Variants in SPX observed in about 807,000 individuals in gnomAD.
The protein encoded by SPX is spexin hormone.
In SPX, 22 loss-of-function variants were observed where a neutral mutation model predicts 19.2. The ratio of observed to expected loss-of-function variants is 1.15; its 90% CI spans 0.82 to 1.64. The LOEUF (loss-of-function observed/expected upper bound fraction) is 1.64. SPX is among the 40% of genes most tolerant of loss of function. The pLI is 0.00. For synonymous variants in SPX, 50 were observed against 53.3 expected (o/e 0.94, Z 0.27); for missense variants, 143 against 137.7 (o/e 1.04, Z -0.19).
rs1943869121 is a variant in SPX, at chr12:21,531,849, G to A, written c.*654G>A. 6.6e-6 allele frequency: 1 copy of A among 152,184 alleles called. No homozygotes were observed. Among genetic ancestry groups the A allele is most frequent in the South Asian group, 2.1e-4 (1 of 4,834 alleles). 9.4% of individuals were successfully genotyped at this position (152,184 alleles called of 1,614,324 possible). On this transcript the variant is annotated 3_prime_UTR_variant, in exon 6 of 6. Coordinates refer to ENST00000256969, the MANE Select transcript of SPX (RefSeq NM_030572.4). ...CTCTTTGGGAATTACCTTGCATTCA[G>A]TTTAGAAACATGGATCTAAAAGTTA...
Position 21,532,315 on chromosome 12 carries a change from G to T in SPX, c.*1120G>T, listed in dbSNP as rs1396661876. ...TAATTCTTATTGTCATCAGTATTTAGCCATTATTTAGTAGCTCAAGAATAT... is the reference window on the plus strand; with the variant it reads ...TAATTCTTATTGTCATCAGTATTTATCCATTATTTAGTAGCTCAAGAATAT... On this transcript the variant is annotated 3_prime_UTR_variant, in exon 6 of 6. Coordinates refer to ENST00000256969, the MANE Select transcript of SPX (RefSeq NM_030572.4). 6.6e-6 allele frequency: 1 copy of T among 152,132 alleles called. No homozygotes were observed. The highest frequency in any genetic ancestry group is 1.5e-5 in the Non-Finnish European group (1 of 68,032). The allele number at this position is 152,132 out of a possible 1,614,324, so 9.4% of individuals were successfully genotyped here. A position where few individuals can be genotyped will look rare whatever the true frequency, so the allele number is the denominator to read the frequency against.
intron 5 of SPX, 28 bp from the exon 6 acceptor site, chr12:21,531,109 T>C: frequency 4.3e-6 from 6 of 1,390,070 alleles, no homozygotes; most frequent in Non-Finnish European, 6.0e-6. Context: ...AGTGTATATT[T>C]ATTTTAAAGA....
At chr12:21,530,372 G>C (rs1295289746) in intron 5 of SPX, among the ~76,000 whole-genome samples, 1 of 152,100 alleles carries the variant, frequency 6.6e-6, no homozygotes, top group Non-Finnish European at 1.5e-5. Flanking sequence ...TTCTGCAATG[G>C]TTTAAAGTGT....
At chr12:21,528,746 C>T (rs1216828581) in intron 4 of SPX, among the ~76,000 whole-genome samples, 1 of 152,178 alleles carries the variant, frequency 6.6e-6, no homozygotes, top group Admixed American at 6.5e-5. Flanking sequence ...AAATTATTAT[C>T]TAAAATTCTC....
In SPX at chr12:21,527,181, T is replaced by A; in HGVS notation, c.134T>A (p.Leu45Gln). ...TGGACTCCTCAAGCTATGCTCTACC[T>A]GAAAGGGGCACGTAAGTTCCAAATA... ...RNWTPQAMLY[L>Q]KGAQGRRFIS... The change falls in exon 3 of 6, where the codon CTG becomes CAG. Residue 45 changes from leucine (L) to glutamine (Q), a missense_variant. Physicochemically the swap from Leu to Gln is moderately radical, Grantham distance 113. Coordinates refer to ENST00000256969, the MANE Select transcript of SPX (RefSeq NM_030572.4). 3.1e-6 allele frequency: 5 copies of A among 1,613,886 alleles called. No individual in the cohort carries two copies. The highest frequency in any genetic ancestry group is 4.2e-6 in the Non-Finnish European group (5 of 1,179,876).
intron 2 of SPX, 68 bp from the exon 3 acceptor site, chr12:21,527,067 A>G: frequency 6.3e-7 from 1 of 1,587,284 alleles, no homozygotes; most frequent in Non-Finnish European, 8.6e-7. Context: ...TTTTTCCTTT[A>G]TTTTGCTGTA....
rs201972479 is a variant in SPX at position 21,527,759 on chromosome 12, A to G, written c.178A>G (p.Arg60Gly). 7.8e-5 allele frequency: 122 copies of G among 1,572,770 alleles called. No homozygotes were observed. In the African/African-American group the frequency reaches 1.6e-3, roughly 20 times the overall value. Reference protein sequence around the residue: ...GRRFISDQSRRKDLSDRPLPE... With the variant: ...GRRFISDQSRGKDLSDRPLPE... ...CCGCTTCATCTCCGACCAGAGCCGGAGAAAGGACCTCTCCGACCGGCCACT... is the reference window on the plus strand; with the variant it reads ...CCGCTTCATCTCCGACCAGAGCCGGGGAAAGGACCTCTCCGACCGGCCACT... The change falls in exon 4 of 6, where the codon AGA becomes GGA. Residue 60 changes from arginine (R) to glycine (G), a missense_variant. Coordinates refer to ENST00000256969, the MANE Select transcript of SPX (RefSeq NM_030572.4).
chr12:21,529,297 C>G (rs190098001), intron 5 of SPX, among the ~76,000 whole-genome samples: 48 of 152,092 alleles, frequency 3.2e-4, no homozygotes, highest in African/African-American at 1.1e-3. Flanking sequence ...AAAACAGGAA[C>G]TTCAGAGCCC....
At position 21,527,193 on chromosome 12, in the gene SPX, G is replaced by T. The variant is rs1179590703; in HGVS notation, c.145+1G>T. ...GCTATGCTCTACCTGAAAGGGGCAC[G>T]TAAGTTCCAAATATTTCGCTCTTCC... On this transcript the variant is annotated splice_donor_variant, in intron 3 of 5. Coordinates refer to ENST00000256969, the MANE Select transcript of SPX (RefSeq NM_030572.4). LOFTEE classifies it high-confidence loss of function. The T allele has an allele frequency of 6.2e-7, 1 of 1,613,168 alleles. No homozygotes were observed. The highest frequency in any genetic ancestry group is 8.5e-7 in the Non-Finnish European group (1 of 1,179,374).
intron 5 of SPX, among the ~76,000 whole-genome samples, chr12:21,530,776 G>A (rs536703409): frequency 6.6e-6 from 1 of 152,242 alleles, no homozygotes; most frequent in Non-Finnish European, 1.5e-5. Flanking sequence ...GAAATATAAA[G>A]AGACAGTCCT....
At chr12:21,528,037 G>C in intron 4 of SPX, 1 of 513,326 alleles carries the variant, frequency 1.9e-6, no homozygotes, top group Non-Finnish European at 3.5e-6. Flanking sequence ...GGCGGCCCAG[G>C]CTGGCGCTGC....
At chr12:21,529,124 A>C in intron 5 of SPX, 40 bp downstream of exon 5, 1 of 1,572,824 alleles carries the variant, frequency 6.4e-7, no homozygotes, top group South Asian at 1.1e-5. Flanking sequence ...ATAACAGAAC[A>C]GCTTTGCTTA....
At chr12:21,529,409 G>A (rs2136822198) in intron 5 of SPX, among the ~76,000 whole-genome samples, 1 of 152,116 alleles carries the variant, frequency 6.6e-6, no homozygotes, top group South Asian at 2.1e-4. Flanking sequence ...AGGGAAATGG[G>A]GGGAAATAGT....
At chr12:21,527,235 C>T (rs1278258232) in intron 3 of SPX, 43 bp downstream of exon 3, 1 of 1,549,472 alleles carries the variant, frequency 6.5e-7, no homozygotes, top group African/African-American at 1.4e-5. Flanking sequence ...AATGGAAGAC[C>T]CCTAGGAGTC....
intron 5 of SPX, among the ~76,000 whole-genome samples, chr12:21,530,861 T>C (rs1943858582): frequency 1.3e-5 from 2 of 152,196 alleles, no homozygotes; most frequent in Non-Finnish European, 2.9e-5. Flanking sequence ...CACATGACTT[T>C]TGAGATTTTT....
At chr12:21,528,045 T>C (rs1043726265) in intron 4 of SPX, 5 of 503,212 alleles carry the variant, frequency 9.9e-6, no homozygotes, top group Admixed American at 6.8e-5. Context: ...AGGCTGGCGC[T>C]GCGGCTCCCC....
intron 3 of SPX, 166 bp downstream of exon 3, chr12:21,527,358 A>T: frequency 1.5e-6 from 1 of 665,240 alleles, no homozygotes; most frequent in South Asian, 1.8e-5. Flanking sequence ...AGAGGGGAAG[A>T]GTCCCTGATT....
rs1296865914 is a variant in SPX, at chr12:21,531,976, A to T, written c.*781A>T. The T allele has an allele frequency of 6.6e-6, 1 of 152,158 alleles. No homozygotes were observed. The highest frequency in any genetic ancestry group is 1.5e-5 in the Non-Finnish European group (1 of 68,034). The allele number at this position is 152,158 out of a possible 1,614,324, so 9.4% of individuals were successfully genotyped here. A position where few individuals can be genotyped will look rare whatever the true frequency, so the allele number is the denominator to read the frequency against. Reference sequence around the variant, plus strand: ...TAACTCATTTTCCATGACCAAACAGACTCAACAGATTCAAGTACTCTGCTT... The same window carrying T: ...TAACTCATTTTCCATGACCAAACAGTCTCAACAGATTCAAGTACTCTGCTT... On this transcript the variant is annotated 3_prime_UTR_variant, in exon 6 of 6. Coordinates refer to ENST00000256969, the MANE Select transcript of SPX (RefSeq NM_030572.4).
chr12:21,526,976 T>C lies in SPX; in HGVS notation c.87+10T>C. On this transcript the variant is annotated intron_variant, in intron 2 of 5. Transcript: ENST00000256969. ...CAGCTGCGCTCCGCAGGTAATCAAATGCAAAATAAAAAATTTTAAAACAAT... is the reference window on the plus strand; with the variant it reads ...CAGCTGCGCTCCGCAGGTAATCAAACGCAAAATAAAAAATTTTAAAACAAT... 1 of 1,613,660 alleles carries C rather than the reference T, an allele frequency of 6.2e-7. No individual in the cohort carries two copies. The highest frequency in any genetic ancestry group is 8.5e-7 in the Non-Finnish European group (1 of 1,179,552).
Sources: gnomAD v4.1 joint callset for allele counts (sites outside exome capture counted in the v4.1 genomes callset) on GRCh38, gnomAD v4.1.1 for gene constraint, MANE v1.5 for transcripts, NCBI Gene and HGNC (gene_info 2026-07-23, HGNC 2026-07-21) for gene names.